CUX2: variants seen among roughly 807,000 people sequenced by gnomAD.
The protein encoded by CUX2 is homeobox protein cut-like 2.
Under a neutral mutation model 144.8 loss-of-function variants are expected in CUX2, and 40 were observed. The observed-to-expected ratio is 0.28, with a 90% CI of 0.21 to 0.36. The LOEUF is 0.36. Among genes scored for constraint, CUX2 ranks in the 10% least tolerant of loss-of-function variants. The pLI is 1.00. For missense variants in CUX2, 1,615 were observed against 1,994.0 expected (o/e 0.81, Z 3.62); for synonymous variants, 827 against 875.6 (o/e 0.94, Z 0.98).
intron 1 of CUX2, among the ~76,000 whole-genome samples, chr12:111,050,116 T>C (rs552604482): frequency 6.6e-6 from 1 of 152,284 alleles, no homozygotes. Context: ...TGGCTCACAC[T>C]GTATCTCCAT....
chr12:111,279,954 C>T (rs2136313484), intron 4 of CUX2, among the ~76,000 whole-genome samples: 2 of 151,858 alleles, frequency 1.3e-5, no homozygotes. Flanking sequence ...TGCACTCCAG[C>T]CTGGCGAAAG....
chr12:111,339,354 C>T (rs747087117), intron 20 of CUX2, among the ~76,000 whole-genome samples: 1 of 152,148 alleles, frequency 6.6e-6, no homozygotes, highest in East Asian at 1.9e-4. Context: ...ACTCTGTGTA[C>T]CTCCCTCCCT....
At chr12:111,257,635 TC>T (rs776668677) in intron 3 of CUX2, among the ~76,000 whole-genome samples, 2 of 110,080 alleles carry the variant, frequency 1.8e-5, no homozygotes, top group Admixed American at 9.6e-5. Flanking sequence ...CTCTTCCTCC[TC>T]CCTCTTCCTC....
chr12:111,211,193 G>A (rs527981090), intron 1 of CUX2, among the ~76,000 whole-genome samples: 2 of 152,316 alleles, frequency 1.3e-5, no homozygotes, highest in African/African-American at 4.8e-5. Flanking sequence ...ATTCAGGGTT[G>A]AAGGACAAGC....
chr12:111,151,277 C>A (rs1006469486), intron 1 of CUX2, among the ~76,000 whole-genome samples: 1 of 152,102 alleles, frequency 6.6e-6, no homozygotes, highest in Non-Finnish European at 1.5e-5. Flanking sequence ...CGTTACCATG[C>A]GCTGTTATGA....
intron 1 of CUX2, among the ~76,000 whole-genome samples, chr12:111,063,221 G>A (rs747329709): frequency 4.6e-5 from 7 of 152,164 alleles, no homozygotes; most frequent in Non-Finnish European, 1.0e-4. Flanking sequence ...TGAGGAGGGG[G>A]TTGAGGGTGG....
intron 18 of CUX2, among the ~76,000 whole-genome samples, chr12:111,330,708 T>TATATACATATAC (rs1888060120): frequency 8.9e-5 from 2 of 22,376 alleles, no homozygotes; most frequent in Admixed American, 9.8e-4. Flanking sequence ...TATATATATA[T>TATATACATATAC]ATATATATAT....
intron 1 of CUX2, among the ~76,000 whole-genome samples, chr12:111,126,847 G>T (rs1875116182): frequency 6.6e-6 from 1 of 152,122 alleles, no homozygotes; most frequent in Admixed American, 6.5e-5. Flanking sequence ...TAATCTCCAA[G>T]TAAAGATAAT....
chr12:111,341,419 C>T (rs1432503253), intron 20 of CUX2, among the ~76,000 whole-genome samples: 2 of 152,186 alleles, frequency 1.3e-5, no homozygotes, highest in Non-Finnish European at 1.5e-5. Flanking sequence ...CATGACTGCA[C>T]CGCTGTACTC....
intron 3 of CUX2, among the ~76,000 whole-genome samples, chr12:111,226,350 G>A (rs1321188685): frequency 6.6e-6 from 1 of 152,102 alleles, no homozygotes; most frequent in Non-Finnish European, 1.5e-5. Context: ...TGCCCAGCTT[G>A]GGGTAAAACT....
At chr12:111,048,213 T>C (rs1189738830) in intron 1 of CUX2, among the ~76,000 whole-genome samples, 3 of 152,228 alleles carry the variant, frequency 2.0e-5, no homozygotes, top group Non-Finnish European at 2.9e-5. Flanking sequence ...AATTTATGTT[T>C]GGCTCCCGCT....
intron 10 of CUX2, 46 bp from the exon 11 acceptor site, chr12:111,306,875 C>T (rs1240654175): frequency 6.7e-7 from 1 of 1,501,768 alleles, no homozygotes; most frequent in South Asian, 1.3e-5. Flanking sequence ...ACCTGTGGAC[C>T]CCCATCCCTC....
chr12:111,060,935 G>A (rs1274023858), intron 1 of CUX2, among the ~76,000 whole-genome samples: 1 of 152,230 alleles, frequency 6.6e-6, no homozygotes, highest in Admixed American at 6.5e-5. Context: ...CAAAGATGAA[G>A]GGATGTGACA....
chr12:111,282,391 C>T (rs1565890136), intron 4 of CUX2, among the ~76,000 whole-genome samples: 1 of 151,448 alleles, frequency 6.6e-6, no homozygotes, highest in Admixed American at 6.6e-5. Context: ...CTTTGGGAAG[C>T]CAAGGCAGGC....
intron 9 of CUX2, among the ~76,000 whole-genome samples, chr12:111,301,470 T>A (rs988878117): frequency 6.6e-6 from 1 of 151,954 alleles, no homozygotes; most frequent in Non-Finnish European, 1.5e-5. Flanking sequence ...GCTGTTAGCC[T>A]CTGGAATGTA....
intron 1 of CUX2, among the ~76,000 whole-genome samples, chr12:111,121,369 C>CTTTTTTTTTTTTTTTTTT (rs5800920): frequency 3.4e-5 from 2 of 59,038 alleles, no homozygotes; most frequent in African/African-American, 5.4e-5. Context: ...TTTCTTTTTT[C>CTTTTTTTTTTTTTTTTTT]TTTTTTTTTT....
At chr12:111,298,831 ATAGAG>A (rs1886146583) in intron 9 of CUX2, among the ~76,000 whole-genome samples, 1 of 152,108 alleles carries the variant, frequency 6.6e-6, no homozygotes. Flanking sequence ...ACACTTGGAA[ATAGAG>A]TGCTCCAAGC....
intron 1 of CUX2, among the ~76,000 whole-genome samples, chr12:111,151,405 G>T (rs1566256344): frequency 6.6e-6 from 1 of 152,186 alleles, no homozygotes; most frequent in Non-Finnish European, 1.5e-5. Flanking sequence ...ACTACTTTCA[G>T]GCCTCATCAG....
At chr12:111,184,183 C>A (rs1879365620) in intron 1 of CUX2, among the ~76,000 whole-genome samples, 1 of 152,158 alleles carries the variant, frequency 6.6e-6, no homozygotes, top group Admixed American at 6.5e-5. Context: ...CCTTCTTTGT[C>A]TAAGAACTTA....
Sources: gnomAD v4.1 joint callset for allele counts (sites outside exome capture counted in the v4.1 genomes callset) on GRCh38, gnomAD v4.1.1 for gene constraint, MANE v1.5 for transcripts, NCBI Gene and HGNC (gene_info 2026-07-23, HGNC 2026-07-21) for gene names.